MAP4K4: variants seen among roughly 807,000 people sequenced by gnomAD.
MAP4K4 encodes the protein mitogen-activated protein kinase kinase kinase kinase 4.
In MAP4K4, 38 loss-of-function variants were observed where a neutral mutation model predicts 189.6. The ratio of observed to expected loss-of-function variants is 0.20; its 90% confidence interval spans 0.15 to 0.26. The LOEUF (loss-of-function observed/expected upper bound fraction) is 0.26. Ranked by LOEUF, MAP4K4 falls within the 10% of genes least tolerant of loss-of-function variation. The pLI is 1.00. For synonymous variants in MAP4K4, 610 were observed against 624.3 expected (o/e 0.98, Z 0.34); for missense variants, 1,054 against 1,726.9 (o/e 0.61, Z 6.91).
At chr2:101,716,463 C>CA (rs944845445) in intron 2 of MAP4K4, among the ~76,000 whole-genome samples, 7 of 144,374 alleles carry the variant, frequency 4.8e-5, no homozygotes, top group African/African-American at 1.0e-4. Flanking sequence ...CAGAAACAAA[C>CA]AAAAAAAACT....
intron 2 of MAP4K4, among the ~76,000 whole-genome samples, chr2:101,761,796 A>C (rs2076565384): frequency 6.6e-6 from 1 of 151,994 alleles, no homozygotes; most frequent in Admixed American, 6.6e-5. Context: ...ACTGCAAGTG[A>C]TCCACCTGCC....
At chr2:101,739,828 T>G (rs1461624180) in intron 2 of MAP4K4, among the ~76,000 whole-genome samples, 1 of 152,218 alleles carries the variant, frequency 6.6e-6, no homozygotes, top group Non-Finnish European at 1.5e-5. Context: ...GAACCAACCT[T>G]GGGACCATCA....
intron 2 of MAP4K4, among the ~76,000 whole-genome samples, chr2:101,765,436 C>G (rs1390728862): frequency 6.6e-6 from 1 of 152,102 alleles, no homozygotes; most frequent in African/African-American, 2.4e-5. Flanking sequence ...CTCAGGTGAC[C>G]CCCTTGCCTC....
chr2:101,888,228 T>C (rs908625450), intron 31 of MAP4K4, among the ~76,000 whole-genome samples: 2 of 152,174 alleles, frequency 1.3e-5, no homozygotes, highest in African/African-American at 4.8e-5. Flanking sequence ...TGTTGACCAC[T>C]TTGTAAAGGG....
intron 32 of MAP4K4, among the ~76,000 whole-genome samples, chr2:101,890,341 A>C (rs1303874832): frequency 6.6e-6 from 1 of 152,220 alleles, no homozygotes; most frequent in Non-Finnish European, 1.5e-5. Context: ...CAATATGCCA[A>C]CGTGTAAGGA....
At chr2:101,794,811 T>C (rs1478865769) in intron 3 of MAP4K4, among the ~76,000 whole-genome samples, 1 of 146,008 alleles carries the variant, frequency 6.8e-6, no homozygotes, top group Non-Finnish European at 1.5e-5. Flanking sequence ...CCTCCATTTT[T>C]ATTTTTATTT....
chr2:101,797,889 G>GTGTTGTT (rs1553478618), intron 3 of MAP4K4, among the ~76,000 whole-genome samples: 1 of 52,304 alleles, frequency 1.9e-5, no homozygotes, highest in Non-Finnish European at 3.3e-5. Flanking sequence ...CATTCTTTTA[G>GTGTTGTT]TTTTTTTTTT....
chr2:101,835,766 G>T (rs1322884992), intron 8 of MAP4K4, 134 bp from the exon 9 acceptor site: 13 of 605,710 alleles, frequency 2.1e-5, no homozygotes, highest in Non-Finnish European at 3.0e-5. Context: ...ATAACTAGAT[G>T]TCTAGACTGC....
chr2:101,824,728 C>T (rs753652475), intron 4 of MAP4K4, among the ~76,000 whole-genome samples: 2 of 152,060 alleles, frequency 1.3e-5, no homozygotes, highest in Admixed American at 1.3e-4. Context: ...GTTACTATTG[C>T]CCAAGTCAGA....
At chr2:101,838,976 C>G (rs779109783) in intron 9 of MAP4K4, among the ~76,000 whole-genome samples, 1 of 152,168 alleles carries the variant, frequency 6.6e-6, no homozygotes, top group Non-Finnish European at 1.5e-5. Flanking sequence ...CCATTTCAAC[C>G]TTTCAGTGGG....
chr2:101,873,050 C>G (rs1348602029), intron 24 of MAP4K4, among the ~76,000 whole-genome samples: 2 of 152,166 alleles, frequency 1.3e-5, no homozygotes, highest in African/African-American at 2.4e-5. Flanking sequence ...AACCAAAACA[C>G]TAGTGCTCCT....
chr2:101,862,623 G>A (rs1399178838), intron 16 of MAP4K4, among the ~76,000 whole-genome samples: 1 of 152,186 alleles, frequency 6.6e-6, no homozygotes. Context: ...ATGAATTTGT[G>A]TAGTAACTAG....
intron 29 of MAP4K4, among the ~76,000 whole-genome samples, chr2:101,885,606 G>A (rs753257304): frequency 1.7e-4 from 26 of 152,168 alleles, no homozygotes; most frequent in Admixed American, 2.6e-4. Context: ...TCATGGAAGC[G>A]TGTAAAGATT....
chr2:101,861,934 TAAAA>T (rs375489497), intron 16 of MAP4K4: 4 of 134,960 alleles, frequency 3.0e-5, no homozygotes, highest in Non-Finnish European at 4.8e-5. Context: ...ATGGAGGAGT[TAAAA>T]AAAAAAAAAA....
chr2:101,882,483 A>G, intron 27 of MAP4K4, 68 bp from the exon 28 acceptor site: 1 of 1,238,126 alleles, frequency 8.1e-7, no homozygotes, highest in Non-Finnish European at 1.1e-6. Flanking sequence ...TCTTTTGGTT[A>G]CTATTGTTAT....
At chr2:101,718,603 TG>T (rs1331634336) in intron 2 of MAP4K4, among the ~76,000 whole-genome samples, 5 of 2,896 alleles carry the variant, frequency 1.7e-3, no homozygotes, top group African/African-American at 2.5e-3. Context: ...GGGTGGGGGA[TG>T]GGGGGTGGGG....
At chr2:101,756,279 G>A (rs951246411) in intron 2 of MAP4K4, among the ~76,000 whole-genome samples, 4 of 152,094 alleles carry the variant, frequency 2.6e-5, no homozygotes, top group African/African-American at 9.7e-5. Flanking sequence ...TAGGATCCAA[G>A]TGCTGCTGTC....
intron 25 of MAP4K4, 67 bp downstream of exon 25, chr2:101,873,831 T>A: frequency 8.5e-7 from 1 of 1,183,338 alleles, no homozygotes; most frequent in Non-Finnish European, 1.2e-6. Flanking sequence ...CTCTTTTGGG[T>A]GGCTTAGGTG....
intron 2 of MAP4K4, among the ~76,000 whole-genome samples, chr2:101,718,962 T>C (rs79035712): frequency 0.099 from 15,034 of 152,228 alleles, 1,233 homozygotes; most frequent in African/African-American, 0.23. Flanking sequence ...TAGGGTTATG[T>C]CTTATCCATG....
Sources: allele counts gnomAD v4.1 joint callset (sites outside exome capture counted in the v4.1 genomes callset), GRCh38; gene constraint gnomAD v4.1.1; transcripts MANE v1.5; gene names NCBI Gene and HGNC (gene_info 2026-07-23, HGNC 2026-07-21).